Variants in SZT2 observed in about 807,000 individuals in gnomAD.
SZT2 encodes SZT2 subunit of KICSTOR complex, also known as KICSTOR complex protein SZT2.
SZT2 carries 216 observed loss-of-function variants against 404.2 expected under a neutral mutation model. The observed-to-expected ratio is 0.53, with a 90% CI of 0.48 to 0.60. The LOEUF (loss-of-function observed/expected upper bound fraction) is 0.60, where lower values mean the gene tolerates loss of function less well. Among genes scored for constraint, SZT2 ranks in the 20% least tolerant of loss-of-function variants. The pLI is 0.00. For missense variants in SZT2, 3,857 were observed against 4,459.2 expected, an observed-to-expected ratio of 0.86 and a Z score of 3.85; for synonymous variants, 1,693 against 1,749.9, an observed-to-expected ratio of 0.97 and a Z score of 0.81.
intron 1 of SZT2, among the ~76,000 whole-genome samples, chr1:43,395,076 C>G: frequency 6.6e-6 from 1 of 152,054 alleles, no homozygotes; most frequent in East Asian, 1.9e-4. Context: ...TTCAAAATAA[C>G]CTTCAAGGAA....
At chr1:43,444,018 A>G (rs1176197177) in intron 62 of SZT2, among the ~76,000 whole-genome samples, 1 of 152,122 alleles carries the variant, frequency 6.6e-6, no homozygotes, top group Non-Finnish European at 1.5e-5. Context: ...TCATGATGAC[A>G]CTCATACAAA....
At position 43,419,911 on chromosome 1, in the gene SZT2, A is replaced by G; in HGVS notation, c.1057A>G (p.Ser353Gly). The change falls in exon 8 of 72, where the codon AGT (serine) becomes GGT (glycine). Residue 353 changes from serine to glycine, a missense_variant. By Grantham distance (56) the Ser-to-Gly change is moderately conservative (BLOSUM62 0). This residue lies in a region of SZT2 where 536 missense variants were observed against 637.4 expected (regional missense o/e 0.84). Transcript: ENST00000634258. ...ATTTCTCCTCTATTCCTTCCTGCGC[A>G]GTGGGGAAGCACTGAACCCTGAATA... is the stretch of plus-strand genomic sequence containing the variant. ...RAFLLYSFLR[S>G]GEALNPEYYC... is the part of the protein sequence containing the mutation. The G allele has an allele frequency of 6.3e-7, 1 of 1,598,290 alleles. No homozygotes were observed. Among genetic ancestry groups the G allele is most frequent in the Non-Finnish European group, 8.5e-7 (1 of 1,179,728 alleles).
At chr1:43,440,668 C>T (rs560912216) in intron 52 of SZT2, 82 bp downstream of exon 52, 400 of 1,446,942 alleles carry the variant, frequency 2.8e-4, no homozygotes, top group Non-Finnish European at 3.6e-4. Flanking sequence ...GCTTCCCAGT[C>T]CCCCATAGGC....
Position 43,452,011 on chromosome 1 carries a change from C to G in SZT2, c.*1531C>G. 4.4e-6 allele frequency: 7 copies of G among 1,605,676 alleles called. No homozygotes were observed. The highest frequency in any genetic ancestry group is 6.0e-6 in the Non-Finnish European group (7 of 1,174,718). On this transcript the variant is annotated 3_prime_UTR_variant, in exon 72 of 72. Transcript: ENST00000634258. ...TGGGCTCCAGCAGTCCCACGAGGTC[C>G]TCCTAGCAGCATGTCGGGTGCTGTG...
Position 43,434,278 on chromosome 1 carries a change from C to G in SZT2, c.5805-108C>G, listed in dbSNP as rs1654229701. The G allele has an allele frequency of 1.0e-5, 10 of 959,710 alleles. No homozygotes were observed. In the South Asian group the frequency reaches 1.7e-4, roughly 16 times the overall value. 59.4% of individuals were successfully genotyped at this position (959,710 alleles called of 1,614,324 possible). ...CTCTTGGCCCCACCTCCATGACTTT[C>G]TCTCCCCCTCGTGATACGTATAACT... On this transcript the variant is annotated intron_variant, in intron 40 of 71. Transcript: ENST00000634258.
intron 65 of SZT2, 74 bp from the exon 66 acceptor site, chr1:43,446,881 G>A (rs1029518393): frequency 8.2e-6 from 12 of 1,465,888 alleles, no homozygotes; most frequent in East Asian, 4.7e-5. Flanking sequence ...TTCTTCCCAC[G>A]GAAGGAGGGA....
chr1:43,431,295 A>G lies in SZT2; in HGVS notation c.4947A>G (p.Pro1649=). 6.2e-7 allele frequency: 1 copy of G among 1,612,440 alleles called. No homozygotes were observed. Among genetic ancestry groups the G allele is most frequent in the South Asian group, 1.1e-5 (1 of 90,800 alleles). ...CATCTGAAAGCAGTGCTTCATTTCC[A>G]CGATCCCCAGGGCAGCCATCATCTT... The part of the protein sequence containing the change: ...RSTSESSASF[P]RSPGQPSSLR... Residue 1649 remains proline (P), a synonymous_variant, in exon 34 of 72, where the codon CCA becomes CCG. Transcript: ENST00000634258.
chr1:43,405,615 T>C (rs1650208549), intron 4 of SZT2: 1 of 152,206 alleles, frequency 6.6e-6, no homozygotes, highest in South Asian at 2.1e-4. Flanking sequence ...GAACATGATC[T>C]AAGGGTCTGA....
At position 43,426,824 on chromosome 1, in the gene SZT2, T is replaced by G; in HGVS notation, c.3309+15T>G. ...TTACTTCCCTGGTCAGCACCGATTC[T>G]TCTCCCTGAGCCCTTGTCACACTGA... On this transcript the variant is annotated intron_variant, in intron 23 of 71. Coordinates refer to ENST00000634258, the MANE Select transcript of SZT2 (RefSeq NM_001365999.1). This position sits in a 1 kb window ranked among gnomAD's most constrained non-coding sequence, Gnocchi z 4.9. 6.2e-7 allele frequency: 1 copy of G among 1,612,084 alleles called. No individual in the cohort carries two copies. The highest frequency in any genetic ancestry group is 8.5e-7 in the Non-Finnish European group (1 of 1,178,758).
chr1:43,430,447 G>A, intron 31 of SZT2, 49 bp from the exon 32 acceptor site: 1 of 1,605,054 alleles, frequency 6.2e-7, no homozygotes, highest in Non-Finnish European at 8.5e-7. Flanking sequence ...CGAGATTCAA[G>A]GGTTCCACTG....
chr1:43,391,607 C>G (rs75905666), intron 1 of SZT2, among the ~76,000 whole-genome samples: 3,711 of 152,118 alleles, frequency 0.024, 148 homozygotes, highest in African/African-American at 0.085. Flanking sequence ...AATATTAACA[C>G]AAGAAAAACT....
At chr1:43,404,702 C>A in intron 4 of SZT2, 152 bp downstream of exon 4, 1 of 741,644 alleles carries the variant, frequency 1.3e-6, no homozygotes, top group Non-Finnish European at 2.1e-6. Flanking sequence ...ATGAGTCTCT[C>A]TCTCCTTGAG....
chr1:43,437,025 G>A lies in SZT2; in HGVS notation c.6035-146G>A, dbSNP rs1438635937. On this transcript the variant is annotated intron_variant, in intron 42 of 71. Coordinates refer to ENST00000634258, the MANE Select transcript of SZT2 (RefSeq NM_001365999.1). The surrounding 1 kb of genome is among the most constrained non-coding windows in gnomAD (Gnocchi z 5.3). ...GCATGCATCTGCCTGGCCCTGTCGT[G>A]TTACCCAGAATGATCATCATTTCTC... The A allele has an allele frequency of 3.2e-5, 35 of 1,100,476 alleles. No individual in the cohort carries two copies. The Admixed American group carries it at 6.7e-4, about 21-fold the overall frequency. 68.2% of individuals were successfully genotyped at this position (1,100,476 alleles called of 1,614,324 possible).
At position 43,451,759 on chromosome 1, in the gene SZT2, G is replaced by A. The variant is rs1174426524; in HGVS notation, c.*1279G>A. On this transcript the variant is annotated 3_prime_UTR_variant, in exon 72 of 72. Coordinates refer to ENST00000634258, the MANE Select transcript of SZT2 (RefSeq NM_001365999.1). The stretch of plus-strand genomic sequence containing the variant: ...TACATTCCGAGACCCCGCAGGCCCC[G>A]CCCTCCTTCCGATCTGCGAAGTACC... The A allele has an allele frequency of 3.7e-6, 6 of 1,613,492 alleles. No homozygotes were observed. The highest frequency in any genetic ancestry group is 3.3e-5 in the South Asian group (3 of 91,076).
rs1570703859 is a variant in SZT2 at position 43,439,304 on chromosome 1, G to A, written c.6793-54G>A. 1.0e-5 allele frequency: 16 copies of A among 1,598,750 alleles called. No homozygotes were observed. Among genetic ancestry groups the A allele is most frequent in the Admixed American group, 6.7e-5 (4 of 59,924 alleles). On this transcript the variant is annotated intron_variant, in intron 48 of 71. Coordinates refer to ENST00000634258, the MANE Select transcript of SZT2 (RefSeq NM_001365999.1). This position sits in a 1 kb window ranked among gnomAD's most constrained non-coding sequence, Gnocchi z 4.2. ...TTCCCCACTGTGGGCACCCATCCCC[G>A]AGGGTTTTGTCCATTTGCTTGCTCT... is the stretch of plus-strand genomic sequence containing the variant.
At chr1:43,401,371 A>G (rs1401929946) in intron 1 of SZT2, among the ~76,000 whole-genome samples, 2 of 152,192 alleles carry the variant, frequency 1.3e-5, no homozygotes, top group Non-Finnish European at 2.9e-5. Context: ...AGGTGATACA[A>G]CCTTTCCACT....
chr1:43,443,548 C>T (rs572679442), intron 61 of SZT2, 49 bp from the exon 62 acceptor site: 10 of 1,613,142 alleles, frequency 6.2e-6, no homozygotes, highest in Middle Eastern at 1.6e-4. Context: ...CCATCCCCAG[C>T]AGGATGGTTG....
At position 43,450,396 on chromosome 1, in the gene SZT2, C is replaced by A. The variant is rs760790579; in HGVS notation, c.10215C>A (p.Pro3405=). 6.2e-7 allele frequency: 1 copy of A among 1,613,990 alleles called. No homozygotes were observed. The highest frequency in any genetic ancestry group is 1.3e-5 in the African/African-American group (1 of 74,904). ...TACAGCCCCAGGACAGCGAGAGCCC[C>A]CCTGCCCAACTGGTCTCCACCTACC... The part of the protein sequence containing the change: ...FPVQPQDSES[P]PAQLVSTYHH... Residue 3405 remains proline, a synonymous_variant, in exon 72 of 72, where the codon CCC becomes CCA. Transcript: ENST00000634258. This position sits in a 1 kb window ranked among gnomAD's most constrained non-coding sequence, Gnocchi z 4.3.
chr1:43,439,588 T>C lies in SZT2; in HGVS notation c.6878-17T>C. ...TGCAAGTCCCAGAGCTGAGCCTTCC[T>C]ATGGATTTCTACCCAGGGGTTGCCT... On this transcript the variant is annotated splice_polypyrimidine_tract_variant and intron_variant, in intron 49 of 71. Transcript: ENST00000634258. The surrounding 1 kb of genome is among the most constrained non-coding windows in gnomAD (Gnocchi z 4.2). 6.2e-7 allele frequency: 1 copy of C among 1,613,772 alleles called. No individual in the cohort carries two copies. The highest frequency in any genetic ancestry group is 8.5e-7 in the Non-Finnish European group (1 of 1,179,806).
Sources: allele counts gnomAD v4.1 joint callset (sites outside exome capture counted in the v4.1 genomes callset), GRCh38; gene constraint gnomAD v4.1.1; regional missense constraint gnomAD v4.1.1; non-coding constraint Gnocchi (gnomAD v3.1); transcripts MANE v1.5; gene names NCBI Gene and HGNC (gene_info 2026-07-23, HGNC 2026-07-21).